Variants in CPM observed in about 807,000 individuals in gnomAD.
CPM encodes the protein renal carboxypeptidase.
A neutral mutation model predicts 46.4 loss-of-function variants in CPM; 35 were observed. The ratio of observed to expected loss-of-function variants is 0.75; its 90% CI spans 0.58 to 1.00. The LOEUF (loss-of-function observed/expected upper bound fraction) is 1.00. Among genes scored for constraint, CPM ranks in the 50% least tolerant of loss-of-function variants. The probability of loss-of-function intolerance (pLI) is 0.00; values close to 1 mark genes in which losing one functional copy is unlikely to be tolerated. For missense variants in CPM, 422 were observed against 530.4 expected, an observed-to-expected ratio of 0.80 and a Z score of 2.01; for synonymous variants, 195 against 195.3, an observed-to-expected ratio of 1.00 and a Z score of 0.01.
intron 3 of CPM, among the ~76,000 whole-genome samples, chr12:68,880,151 G>T (rs1243678739): frequency 6.6e-6 from 1 of 151,850 alleles, no homozygotes; most frequent in Non-Finnish European, 1.5e-5. Context: ...ATGCCAATTA[G>T]GAGCTTGCGT....
intron 3 of CPM, among the ~76,000 whole-genome samples, chr12:68,878,579 C>T (rs1886056733): frequency 6.6e-6 from 1 of 152,164 alleles, no homozygotes; most frequent in Admixed American, 6.5e-5. Context: ...TGACCAATCA[C>T]CACTCCCCAC....
At chr12:68,858,821 C>A in intron 8 of CPM, 102 bp downstream of exon 8, 1 of 633,510 alleles carries the variant, frequency 1.6e-6, no homozygotes, top group African/African-American at 1.9e-5. Flanking sequence ...CTCGATGGAT[C>A]TACTTTTGAA....
In CPM at chr12:68,932,795, C is replaced by T; in HGVS notation, c.43G>A (p.Val15Ile). The change falls in exon 2 of 9, where the codon GTA becomes ATA. Residue 15 changes from valine to isoleucine, a missense_variant. Physicochemically the swap from Val to Ile is conservative, Grantham distance 29 (BLOSUM62 3). Transcript: ENST00000551568. ...TGGTAGTTGAAATCCAGCGCAGCTA[C>T]CAAAGGCAGCAACAGCCCTAGCCAG... ...CLWLGLLLPL[V>I]AALDFNYHRQ... 1 of 1,614,158 alleles carries T rather than the reference C, an allele frequency of 6.2e-7. No individual in the cohort carries two copies.
Position 68,885,802 on chromosome 12 carries a change from T to G in CPM, c.248A>C (p.His83Pro). 6.2e-7 allele frequency: 1 copy of G among 1,613,926 alleles called. No homozygotes were observed. Among genetic ancestry groups the G allele is most frequent in the South Asian group, 1.1e-5 (1 of 91,056 alleles). Reference sequence around the variant, plus strand: ...AAGCCACATACGTACCTCATCTCCATGCATATTTGCCACGTATTTGAACTC... The same window carrying G: ...AAGCCACATACGTACCTCATCTCCAGGCATATTTGCCACGTATTTGAACTC... ...IPEFKYVANMHGDETVGRELL... is the reference protein window; with the variant it reads ...IPEFKYVANMPGDETVGRELL... The change falls in exon 3 of 9, where the codon CAT (histidine) becomes CCT (proline). Residue 83 changes from histidine (H) to proline (P), a missense_variant. By Grantham distance (77) the His-to-Pro change is moderately conservative. Transcript: ENST00000551568.
intron 1 of CPM, among the ~76,000 whole-genome samples, chr12:68,956,465 A>G (rs1199309306): frequency 6.6e-6 from 1 of 152,028 alleles, no homozygotes. Flanking sequence ...CTCCCCCACT[A>G]CAGCTGGCAT....
At chr12:68,871,702 C>A (rs1885703866) in intron 4 of CPM, 82 bp downstream of exon 4, 1 of 1,472,994 alleles carries the variant, frequency 6.8e-7, no homozygotes, top group African/African-American at 1.4e-5. Flanking sequence ...GACACATCTC[C>A]TCTTGCCAAG....
At chr12:68,928,005 AAT>A (rs1321179203) in intron 2 of CPM, among the ~76,000 whole-genome samples, 1 of 152,200 alleles carries the variant, frequency 6.6e-6, no homozygotes, top group Non-Finnish European at 1.5e-5. Flanking sequence ...TTCTTCACAG[AAT>A]TGGAAAAAAC....
At chr12:68,873,176 A>G (rs1885786504) in intron 3 of CPM, among the ~76,000 whole-genome samples, 1 of 152,208 alleles carries the variant, frequency 6.6e-6, no homozygotes, top group Non-Finnish European at 1.5e-5. Flanking sequence ...CTGCAGGCAC[A>G]TTCATGTAGA....
intron 2 of CPM, among the ~76,000 whole-genome samples, chr12:68,927,394 C>T (rs1241356465): frequency 6.6e-6 from 1 of 151,946 alleles, no homozygotes; most frequent in Non-Finnish European, 1.5e-5. Context: ...GTCCTTCACC[C>T]ACTTCTCGAT....
intron 2 of CPM, among the ~76,000 whole-genome samples, chr12:68,896,178 T>TA (rs1565785695): frequency 6.6e-6 from 1 of 152,190 alleles, no homozygotes; most frequent in East Asian, 1.9e-4. Context: ...GGATAGTCCT[T>TA]AGCCCACCCC....
At position 68,957,478 on chromosome 12, in the gene CPM, A is replaced by G. The variant is rs957394234; in HGVS notation, c.-4+5691T>C. ...GTGCTGGCAAAAGTTTCCAAAATGC[A>G]GTTGAGAAATACAGCTCCAGTGACT... On this transcript the variant is annotated intron_variant, in intron 1 of 8. Coordinates refer to the CPM transcript ENST00000546373. 5 of 269,960 alleles carry G rather than the reference A, an allele frequency of 1.9e-5. No individual in the cohort carries two copies. In the Admixed American group the frequency reaches 2.0e-4, roughly 11 times the overall value. 16.7% of individuals were successfully genotyped at this position (269,960 alleles called of 1,614,324 possible). A position where few individuals can be genotyped will look rare whatever the true frequency, so the allele number is the denominator to read the frequency against.
chr12:68,937,891 G>A (rs1052595682), upstream of CPM, among the ~76,000 whole-genome samples: 7 of 152,218 alleles, frequency 4.6e-5, no homozygotes, highest in Non-Finnish European at 8.8e-5. Context: ...AAAAGTGTTA[G>A]AGAGGACCAA....
intron 2 of CPM, 148 bp from the exon 3 acceptor site, chr12:68,886,037 T>C (rs1029328574): frequency 8.0e-6 from 5 of 624,406 alleles, no homozygotes; most frequent in Admixed American, 5.9e-5. Flanking sequence ...AACATCTCCA[T>C]GCTTAAAACA....
At chr12:68,959,440 A>G (rs183678435) in intron 1 of CPM, among the ~76,000 whole-genome samples, 1 of 152,384 alleles carries the variant, frequency 6.6e-6, no homozygotes, top group Admixed American at 6.5e-5. Flanking sequence ...AAAGGAGAAC[A>G]GAGGTCTTGT....
At chr12:68,886,146 T>C (rs1055767295) in intron 2 of CPM, among the ~76,000 whole-genome samples, 1 of 152,178 alleles carries the variant, frequency 6.6e-6, no homozygotes, top group Non-Finnish European at 1.5e-5. Flanking sequence ...TGAAGACTTA[T>C]TAGGCGATGT....
chr12:68,880,549 T>C (rs940026441), intron 3 of CPM, among the ~76,000 whole-genome samples: 1 of 152,154 alleles, frequency 6.6e-6, no homozygotes, highest in Admixed American at 6.5e-5. Flanking sequence ...TAATTTGAGA[T>C]AGATCATAGA....
At chr12:68,875,111 G>C (rs539525415) in intron 3 of CPM, among the ~76,000 whole-genome samples, 1 of 151,896 alleles carries the variant, frequency 6.6e-6, no homozygotes, top group East Asian at 1.9e-4. Context: ...AGCACTTTGG[G>C]AGGCTGAGGT....
intron 1 of CPM, among the ~76,000 whole-genome samples, chr12:68,944,729 T>A (rs984397694): frequency 4.7e-5 from 7 of 148,774 alleles, no homozygotes; most frequent in East Asian, 1.9e-4. Context: ...TTTTTTTTTT[T>A]AAATTACAAT....
chr12:68,853,706 G>A lies in CPM; in HGVS notation c.*2731C>T, dbSNP rs574890996. Reference sequence around the variant, plus strand: ...ATCAGCCTATATTACTGTCACACTGGGGATTAAGTAAAAAAAAGAGAAAGA... The same window carrying A: ...ATCAGCCTATATTACTGTCACACTGAGGATTAAGTAAAAAAAAGAGAAAGA... On this transcript the variant is annotated 3_prime_UTR_variant, in exon 9 of 9. Coordinates refer to ENST00000551568, the MANE Select transcript of CPM (RefSeq NM_198320.5). 4 of 151,800 alleles carry A rather than the reference G, an allele frequency of 2.6e-5. No individual in the cohort carries two copies. In the South Asian group the frequency reaches 8.4e-4, roughly 32 times the overall value. The allele number at this position is 151,800 out of a possible 1,614,324, so 9.4% of individuals were successfully genotyped here.
Sources: allele counts gnomAD v4.1 joint callset (sites outside exome capture counted in the v4.1 genomes callset), GRCh38; gene constraint gnomAD v4.1.1; transcripts MANE v1.5; gene names NCBI Gene and HGNC (gene_info 2026-07-23, HGNC 2026-07-21).